SH3BGRL2: variants seen among roughly 807,000 people sequenced by gnomAD.
SH3BGRL2 encodes the protein SH3 domain binding glutamate rich protein like 2.
Under a neutral mutation model 14.8 loss-of-function variants are expected in SH3BGRL2, and 21 were observed. The observed-to-expected ratio is 1.42, with a 90% CI of 1.01 to 2.05. The LOEUF is 2.05. Among genes scored for constraint, SH3BGRL2 ranks in the 30% most tolerant of loss-of-function variants. SH3BGRL2 has a pLI of 0.00. For missense variants in SH3BGRL2, 147 were observed against 130.8 expected, an observed-to-expected ratio of 1.12 and a Z score of -0.61; for synonymous variants, 50 against 47.8, an observed-to-expected ratio of 1.05 and a Z score of -0.19.
At chr6:79,621,885 T>C in the SH3BGRL2 span, among the ~76,000 whole-genome samples, 2 of 152,106 alleles carry the variant, frequency 1.3e-5, no homozygotes, top group East Asian at 3.9e-4. Context: ...AAATCATATT[T>C]TTTGCTTGTC....
the SH3BGRL2 span, among the ~76,000 whole-genome samples, chr6:79,620,147 T>C: frequency 5.3e-5 from 8 of 152,186 alleles, no homozygotes; most frequent in Non-Finnish European, 1.0e-4. Context: ...CATAGAAGCC[T>C]GGTTCTCCCT....
At chr6:79,660,124 C>G (rs1449101437) in intron 1 of SH3BGRL2, among the ~76,000 whole-genome samples, 2 of 152,124 alleles carry the variant, frequency 1.3e-5, no homozygotes, top group African/African-American at 4.8e-5. Context: ...AATTGAATAC[C>G]CTTTATTTCT....
At chr6:79,654,928 A>AT (rs1769374667) in intron 1 of SH3BGRL2, among the ~76,000 whole-genome samples, 2 of 152,192 alleles carry the variant, frequency 1.3e-5, no homozygotes, top group South Asian at 4.1e-4. Flanking sequence ...CCTGGTTTAC[A>AT]TCCTAGCAGG....
chr6:79,684,914 T>C (rs901009333), intron 2 of SH3BGRL2, among the ~76,000 whole-genome samples: 20 of 152,316 alleles, frequency 1.3e-4, no homozygotes, highest in African/African-American at 4.1e-4. Flanking sequence ...ATGTGGCATC[T>C]TTCCAGATAC....
the SH3BGRL2 span, among the ~76,000 whole-genome samples, chr6:79,551,128 G>A: frequency 1.3e-5 from 2 of 152,194 alleles, no homozygotes; most frequent in African/African-American, 4.8e-5. Flanking sequence ...ATGTTTCCAA[G>A]ATTTGAAAGA....
chr6:79,572,623 G>A, the SH3BGRL2 span, among the ~76,000 whole-genome samples: 8 of 152,080 alleles, frequency 5.3e-5, no homozygotes, highest in South Asian at 2.1e-4. Flanking sequence ...CCGCCACCAC[G>A]CCCGGCTAAT....
At chr6:79,588,466 GC>G in the SH3BGRL2 span, among the ~76,000 whole-genome samples, 2 of 152,096 alleles carry the variant, frequency 1.3e-5, no homozygotes, top group Non-Finnish European at 2.9e-5. Context: ...GACAGGAAAG[GC>G]ACTTTTATTC....
chr6:79,612,562 C>G, the SH3BGRL2 span, among the ~76,000 whole-genome samples: 19 of 152,218 alleles, frequency 1.2e-4, no homozygotes, highest in East Asian at 2.9e-3. Flanking sequence ...TACAGTGCTG[C>G]TAAAATACAA....
At chr6:79,686,005 C>T (rs1409885299) in intron 2 of SH3BGRL2, among the ~76,000 whole-genome samples, 3 of 152,058 alleles carry the variant, frequency 2.0e-5, no homozygotes, top group Non-Finnish European at 4.4e-5. Context: ...TTTTGTAAGT[C>T]TTTCATTCTT....
upstream of SH3BGRL2, among the ~76,000 whole-genome samples, chr6:79,630,266 A>C (rs1036749195): frequency 6.6e-6 from 1 of 152,250 alleles, no homozygotes; most frequent in Non-Finnish European, 1.5e-5. Flanking sequence ...TCTTTGTGCA[A>C]GAAATGTATC....
At chr6:79,613,175 A>T in the SH3BGRL2 span, among the ~76,000 whole-genome samples, 1 of 152,224 alleles carries the variant, frequency 6.6e-6, no homozygotes, top group Non-Finnish European at 1.5e-5. Flanking sequence ...CGATTTGACC[A>T]GGCTGTGCTT....
Position 79,696,585 on chromosome 6 carries a change from T to C in SH3BGRL2, c.312+20T>C, listed in dbSNP as rs765972085. On this transcript the variant is annotated intron_variant, in intron 3 of 3. Transcript: ENST00000369838. ...TCAAAGGTAGGTAAATCTTTTCTTA[T>C]TCTTGTTTTAGAATTCATCTCTTTT... 1 of 1,519,836 alleles carries C rather than the reference T, an allele frequency of 6.6e-7. No individual in the cohort carries two copies. Among genetic ancestry groups the C allele is most frequent in the Admixed American group, 2.3e-5 (1 of 42,650 alleles). 94.1% of individuals were successfully genotyped at this position (1,519,836 alleles called of 1,614,324 possible). A position where few individuals can be genotyped will look rare whatever the true frequency, so the allele number is the denominator to read the frequency against.
chr6:79,571,904 T>TA, the SH3BGRL2 span, among the ~76,000 whole-genome samples: 1 of 152,198 alleles, frequency 6.6e-6, no homozygotes, highest in Non-Finnish European at 1.5e-5. Context: ...ATTCATTTTT[T>TA]AAAAAATAAA....
the SH3BGRL2 span, among the ~76,000 whole-genome samples, chr6:79,579,751 A>C: frequency 6.6e-6 from 1 of 152,324 alleles, no homozygotes; most frequent in South Asian, 2.1e-4. Flanking sequence ...TTAATTGGCA[A>C]AATAACCAGC....
chr6:79,676,136 G>A (rs1424452211), intron 2 of SH3BGRL2, among the ~76,000 whole-genome samples: 1 of 151,968 alleles, frequency 6.6e-6, no homozygotes, highest in African/African-American at 2.4e-5. Flanking sequence ...GGGAATCTCT[G>A]CCTGGCTATT....
chr6:79,703,395 G>A lies in SH3BGRL2; in HGVS notation c.*3886G>A, dbSNP rs1770506248. On this transcript the variant is annotated 3_prime_UTR_variant, in exon 4 of 4. Transcript: ENST00000369838. Reference sequence around the variant, plus strand: ...AATTTCATACATGCAATGGAATATAGATATGTATATACACATATAATATAT... The same window carrying A: ...AATTTCATACATGCAATGGAATATAAATATGTATATACACATATAATATAT... The A allele has an allele frequency of 6.6e-6, 1 of 152,100 alleles. No homozygotes were observed. Among genetic ancestry groups the A allele is most frequent in the South Asian group, 2.1e-4 (1 of 4,808 alleles). 9.4% of individuals were successfully genotyped at this position (152,100 alleles called of 1,614,324 possible).
chr6:79,576,188 A>G, the SH3BGRL2 span, among the ~76,000 whole-genome samples: 5 of 152,120 alleles, frequency 3.3e-5, no homozygotes, highest in African/African-American at 4.8e-5. Context: ...CCTGAATTCA[A>G]TATTATAAAT....
chr6:79,550,668 C>G, the SH3BGRL2 span, among the ~76,000 whole-genome samples: 4 of 152,262 alleles, frequency 2.6e-5, no homozygotes, highest in Non-Finnish European at 2.9e-5. Context: ...TGAGTACTTA[C>G]GTCTACAGGA....
chr6:79,679,125 G>T (rs556961856), intron 2 of SH3BGRL2, among the ~76,000 whole-genome samples: 6 of 152,030 alleles, frequency 3.9e-5, no homozygotes, highest in African/African-American at 1.4e-4. Flanking sequence ...TTTTCTTTTG[G>T]GTATATACAC....
Sources: allele counts gnomAD v4.1 joint callset (sites outside exome capture counted in the v4.1 genomes callset), GRCh38; gene constraint gnomAD v4.1.1; transcripts MANE v1.5; gene names NCBI Gene and HGNC (gene_info 2026-07-23, HGNC 2026-07-21).